Variants in PTPRD observed in about 807,000 individuals in gnomAD.
The protein encoded by PTPRD is protein tyrosine phosphatase receptor type D.
In PTPRD, 34 loss-of-function variants were observed where a neutral mutation model predicts 214.5. The observed-to-expected ratio is 0.16, with a 90% CI of 0.12 to 0.21. PTPRD has a LOEUF of 0.21. Among genes scored for constraint, PTPRD ranks in the 10% least tolerant of loss-of-function variants. The probability of loss-of-function intolerance (pLI) is 1.00; values close to 1 mark genes in which losing one functional copy is unlikely to be tolerated. For missense variants in PTPRD, 2,545 were observed against 2,398.7 expected (o/e 1.06, Z -1.27); for synonymous variants, 1,128 against 845.7 (o/e 1.33, Z -5.79).
chr9:8,764,242 G>A (rs2094572403), intron 11 of PTPRD, among the ~76,000 whole-genome samples: 1 of 152,114 alleles, frequency 6.6e-6, no homozygotes, highest in African/African-American at 2.4e-5. Flanking sequence ...ATTTTACTGT[G>A]ATGTGAGCCA....
At chr9:10,012,402 T>C (rs2096620136) in intron 4 of PTPRD, among the ~76,000 whole-genome samples, 1 of 151,940 alleles carries the variant, frequency 6.6e-6, no homozygotes, top group Admixed American at 6.6e-5. Context: ...TTGAGTACTA[T>C]CACAGTTGCA....
intron 5 of PTPRD, among the ~76,000 whole-genome samples, chr9:9,835,013 T>A (rs1036382253): frequency 8.6e-5 from 13 of 152,038 alleles, no homozygotes; most frequent in Admixed American, 7.2e-4. Flanking sequence ...TCTACCACCT[T>A]CCTTTATTGT....
chr9:9,405,547 C>G (rs1227788804), intron 8 of PTPRD, among the ~76,000 whole-genome samples: 2 of 151,930 alleles, frequency 1.3e-5, no homozygotes, highest in Non-Finnish European at 2.9e-5. Flanking sequence ...TAACATTAGC[C>G]TGGGTAAATC....
chr9:10,302,597 T>C (rs549289932), intron 3 of PTPRD, among the ~76,000 whole-genome samples: 2 of 151,506 alleles, frequency 1.3e-5, no homozygotes, highest in South Asian at 4.2e-4. Flanking sequence ...AAAGCAAAAA[T>C]AGCACGGGTT....
intron 11 of PTPRD, among the ~76,000 whole-genome samples, chr9:8,833,708 A>C (rs201325787): frequency 0.17 from 24,384 of 143,794 alleles, 2,231 homozygotes; most frequent in Admixed American, 0.21. Flanking sequence ...CTCTATATAT[A>C]TATATATACA....
At chr9:8,790,818 T>C (rs927678324) in intron 11 of PTPRD, among the ~76,000 whole-genome samples, 3 of 152,052 alleles carry the variant, frequency 2.0e-5, no homozygotes, top group Middle Eastern at 3.4e-3. Flanking sequence ...CTTTATTCTA[T>C]AGACCTATGC....
chr9:9,208,261 G>C (rs1017684159), intron 9 of PTPRD, among the ~76,000 whole-genome samples: 2 of 151,338 alleles, frequency 1.3e-5, no homozygotes, highest in African/African-American at 4.9e-5. Context: ...TGATCTGCCC[G>C]CCTCGGCCTC....
intron 21 of PTPRD, among the ~76,000 whole-genome samples, chr9:8,509,770 G>A (rs1004395232): frequency 5.3e-5 from 8 of 152,198 alleles, no homozygotes; most frequent in African/African-American, 1.2e-4. Context: ...AATTCTGCTT[G>A]TTTCTATTAA....
intron 3 of PTPRD, among the ~76,000 whole-genome samples, chr9:10,291,303 G>A (rs2095520773): frequency 1.3e-5 from 2 of 152,040 alleles, no homozygotes; most frequent in Admixed American, 1.3e-4. Context: ...GAAAGAATAT[G>A]TAGTAGATGG....
intron 8 of PTPRD, among the ~76,000 whole-genome samples, chr9:9,492,326 TA>T (rs67958740): frequency 0.39 from 52,975 of 134,640 alleles, 10,463 homozygotes; most frequent in East Asian, 0.65. Flanking sequence ...TTACTAAACA[TA>T]AAAAAAAAAA....
intron 11 of PTPRD, among the ~76,000 whole-genome samples, chr9:8,978,517 A>C (rs1486749941): frequency 6.6e-6 from 1 of 151,912 alleles, no homozygotes; most frequent in Non-Finnish European, 1.5e-5. Flanking sequence ...AAATTGAGAA[A>C]GGCGCCCTCT....
chr9:10,541,116 T>C (rs2059009667), intron 2 of PTPRD, among the ~76,000 whole-genome samples: 1 of 152,226 alleles, frequency 6.6e-6, no homozygotes, highest in Admixed American at 6.6e-5. Flanking sequence ...TTATCTGCTT[T>C]ATGGCATAAA....
At chr9:10,308,648 G>A (rs1264454561) in intron 3 of PTPRD, among the ~76,000 whole-genome samples, 2 of 151,958 alleles carry the variant, frequency 1.3e-5, no homozygotes, top group Non-Finnish European at 2.9e-5. Context: ...CATTATTTTG[G>A]GAGGTATAGT....
intron 2 of PTPRD, among the ~76,000 whole-genome samples, chr9:10,384,274 T>C (rs2097873258): frequency 6.6e-6 from 1 of 151,736 alleles, no homozygotes; most frequent in Non-Finnish European, 1.5e-5. Flanking sequence ...TATATCAAAA[T>C]ATCTCATGTA....
intron 6 of PTPRD, among the ~76,000 whole-genome samples, chr9:9,741,028 G>A (rs1329467247): frequency 6.6e-6 from 1 of 152,160 alleles, no homozygotes; most frequent in Admixed American, 6.5e-5. Context: ...AAAGACTTCG[G>A]TAACTGGCAA....
chr9:8,927,777 T>C (rs1342049985), intron 11 of PTPRD, among the ~76,000 whole-genome samples: 4 of 152,110 alleles, frequency 2.6e-5, no homozygotes, highest in South Asian at 2.1e-4. Flanking sequence ...CTTGAGGAAT[T>C]GCCACACTGA....
At chr9:8,335,791 A>G (rs975945993) in intron 43 of PTPRD, among the ~76,000 whole-genome samples, 2 of 152,152 alleles carry the variant, frequency 1.3e-5, no homozygotes, top group Non-Finnish European at 2.9e-5. Context: ...CTTCAGCAAA[A>G]TCTCAGGATA....
chr9:10,370,855 A>G (rs182658280), intron 2 of PTPRD, among the ~76,000 whole-genome samples: 1 of 152,130 alleles, frequency 6.6e-6, no homozygotes, highest in Admixed American at 6.6e-5. Flanking sequence ...CAGACATATA[A>G]TGAGTTTCTC....
chr9:9,256,610 C>G (rs1053946646), intron 9 of PTPRD, among the ~76,000 whole-genome samples: 4 of 151,862 alleles, frequency 2.6e-5, no homozygotes, highest in Admixed American at 6.6e-5. Flanking sequence ...GGACTAGAAT[C>G]CAGGATTCCT....
Sources: allele counts gnomAD v4.1 joint callset (sites outside exome capture counted in the v4.1 genomes callset), GRCh38; gene constraint gnomAD v4.1.1; transcripts MANE v1.5; gene names NCBI Gene and HGNC (gene_info 2026-07-23, HGNC 2026-07-21).